TIAM2: variants seen among roughly 807,000 people sequenced by gnomAD.
The protein encoded by TIAM2 is rho guanine nucleotide exchange factor TIAM2.
Under a neutral mutation model 152.9 loss-of-function variants are expected in TIAM2, and 80 were observed. The observed-to-expected ratio is 0.52, with a 90% CI of 0.44 to 0.63. TIAM2 has a LOEUF of 0.63. TIAM2 is among the 30% of genes least tolerant of loss of function. TIAM2 has a pLI of 0.00. For synonymous variants in TIAM2, 804 were observed against 838.0 expected (o/e 0.96, Z 0.70); for missense variants, 1,965 against 2,120.1 (o/e 0.93, Z 1.44).
Position 155,243,846 on chromosome 6 carries a change from C to CAAAAAAAAAAA in TIAM2, c.3349-144_3349-134dup, listed in dbSNP as rs59365890. Among the ~76,000 whole-genome samples, 75 of 55,052 alleles carry CAAAAAAAAAAA rather than the reference C, an allele frequency of 1.4e-3. 3 individuals are homozygous for CAAAAAAAAAAA. The highest frequency in any genetic ancestry group is 5.9e-3 in the African/African-American group (73 of 12,394). 36.1% of individuals were successfully genotyped at this position (55,052 alleles called of 152,430 possible). On this transcript the variant is annotated intron_variant, in intron 16 of 26. Transcript: ENST00000682666. ...TGGGTGACAGAGCAAGACTCCGTCT[C>CAAAAAAAAAAA]AAAAAAAAAAAAAAAAAAAAAAAAA... is the stretch of plus-strand genomic sequence containing the variant.
rs566169562 is a variant in TIAM2 at position 155,199,048 on chromosome 6, A to C, written c.3065-12156A>C. Reference sequence around the variant, plus strand: ...GCCAGCTAAACCAAAACCACAACTAAAAAAGGACAGTAACTTCTTTATTTT... The same window carrying C: ...GCCAGCTAAACCAAAACCACAACTACAAAAGGACAGTAACTTCTTTATTTT... On this transcript the variant is annotated intron_variant, in intron 14 of 26. Coordinates refer to ENST00000682666, the MANE Select transcript of TIAM2 (RefSeq NM_012454.4). Among the ~76,000 whole-genome samples the C allele has an allele frequency of 1.2e-3, 181 of 151,400 alleles. 1 individual carries two copies. Among genetic ancestry groups the C allele is most frequent in the African/African-American group, 4.2e-3 (176 of 41,422 alleles).
intron 14 of TIAM2, among the ~76,000 whole-genome samples, chr6:155,197,559 T>C (rs954687320): frequency 3.3e-5 from 5 of 152,092 alleles, no homozygotes; most frequent in Non-Finnish European, 7.4e-5. Flanking sequence ...GGTCTGTTCT[T>C]ATGCTGCTAA....
At chr6:155,250,644 A>C in intron 21 of TIAM2, 1 of 1,534,434 alleles carries the variant, frequency 6.5e-7, no homozygotes, top group Non-Finnish European at 8.7e-7. Flanking sequence ...ATCTTATGGA[A>C]ACTGAGTTGG....
intron 21 of TIAM2, chr6:155,250,529 T>G: frequency 6.5e-7 from 1 of 1,535,698 alleles, no homozygotes; most frequent in Non-Finnish European, 8.7e-7. Flanking sequence ...GCTGGTGCTC[T>G]TTTATCAGCA....
At chr6:155,048,459 G>A (rs1248720142) in intron 1 of TIAM2, among the ~76,000 whole-genome samples, 1 of 152,090 alleles carries the variant, frequency 6.6e-6, no homozygotes, top group Non-Finnish European at 1.5e-5. Context: ...ATTATTTGGA[G>A]CAGAACATAC....
At position 155,039,648 on chromosome 6, in the gene TIAM2, T is replaced by TG. The variant is rs1051143625; in HGVS notation, c.-209+44163dup. Among the ~76,000 whole-genome samples, 32 of 68,622 alleles carry TG rather than the reference T, an allele frequency of 4.7e-4. 1 individual carries two copies. The highest frequency in any genetic ancestry group is 1.6e-3 in the East Asian group (4 of 2,540). The allele number at this position is 68,622 out of a possible 152,430, so 45.0% of individuals were successfully genotyped here. ...GCGTTGGGGGCTGGGGGGTGGTTGG[T>TG]GGGGGGGCTCTTAAAAAAATACAAA... On this transcript the variant is annotated intron_variant, in intron 1 of 26. Transcript: ENST00000682666.
chr6:155,164,049 T>C (rs1780344891), intron 7 of TIAM2, among the ~76,000 whole-genome samples: 1 of 151,094 alleles, frequency 6.6e-6, no homozygotes, highest in African/African-American at 2.4e-5. Flanking sequence ...AACCTCCGCC[T>C]TCTAGGTTTA....
chr6:155,134,221 C>T (rs1234856981), intron 4 of TIAM2, among the ~76,000 whole-genome samples: 1 of 152,022 alleles, frequency 6.6e-6, no homozygotes, highest in Admixed American at 6.6e-5. Flanking sequence ...ATTAAGAATT[C>T]TAGCTGAACC....
intron 1 of TIAM2, among the ~76,000 whole-genome samples, chr6:155,089,069 T>A (rs1240435791): frequency 6.6e-6 from 1 of 152,144 alleles, no homozygotes; most frequent in Non-Finnish European, 1.5e-5. Flanking sequence ...GTTTCACATT[T>A]TAAACAATGA....
chr6:155,119,322 A>G (rs1779096707), intron 2 of TIAM2, among the ~76,000 whole-genome samples: 1 of 151,252 alleles, frequency 6.6e-6, no homozygotes, highest in Non-Finnish European at 1.5e-5. Flanking sequence ...GGCGTGAGCC[A>G]CTGCACCTGG....
intron 9 of TIAM2, among the ~76,000 whole-genome samples, chr6:155,166,397 C>T (rs549947708): frequency 1.7e-3 from 258 of 151,316 alleles, no homozygotes; most frequent in Non-Finnish European, 2.6e-3. Flanking sequence ...GATCTTGGCT[C>T]GCCGCAACCT....
chr6:155,096,638 A>G (rs965137756), intron 2 of TIAM2, among the ~76,000 whole-genome samples: 1 of 151,756 alleles, frequency 6.6e-6, no homozygotes, highest in Non-Finnish European at 1.5e-5. Flanking sequence ...GGCTTATTTC[A>G]CTTGATGACC....
chr6:155,215,634 G>A (rs1295566831), intron 15 of TIAM2, among the ~76,000 whole-genome samples: 1 of 151,774 alleles, frequency 6.6e-6, no homozygotes, highest in East Asian at 1.9e-4. Context: ...AGTAAAAACT[G>A]TGGTGGACAT....
intron 1 of TIAM2, among the ~76,000 whole-genome samples, chr6:155,055,184 T>C (rs1426020914): frequency 6.6e-6 from 1 of 152,176 alleles, no homozygotes; most frequent in African/African-American, 2.4e-5. Context: ...GTGGGTGTCT[T>C]TCTGGGCCAC....
intron 14 of TIAM2, among the ~76,000 whole-genome samples, chr6:155,187,542 C>T (rs1160040417): frequency 1.4e-5 from 2 of 146,630 alleles, no homozygotes; most frequent in Admixed American, 6.9e-5. Flanking sequence ...AGGCTTGGGG[C>T]AGTGCAACCC....
At chr6:155,022,962 T>C (rs1776526889) in intron 1 of TIAM2, among the ~76,000 whole-genome samples, 1 of 152,110 alleles carries the variant, frequency 6.6e-6, no homozygotes, top group Admixed American at 6.6e-5. Context: ...CTTAGGTTTC[T>C]CCTTTCCGGC....
chr6:155,090,678 G>T (rs1304448548), intron 2 of TIAM2, among the ~76,000 whole-genome samples: 1 of 152,190 alleles, frequency 6.6e-6, no homozygotes. Flanking sequence ...AGAGGATGCA[G>T]CCTGGGCAGC....
At chr6:155,222,047 G>C (rs982563580) in intron 15 of TIAM2, among the ~76,000 whole-genome samples, 2 of 151,870 alleles carry the variant, frequency 1.3e-5, no homozygotes, top group African/African-American at 2.4e-5. Context: ...TCTGCCTCCC[G>C]GGTTCAAGCA....
intron 7 of TIAM2, among the ~76,000 whole-genome samples, chr6:155,154,342 A>G (rs993781340): frequency 5.9e-5 from 9 of 152,200 alleles, no homozygotes; most frequent in African/African-American, 2.2e-4. Context: ...TGGGTGGAGA[A>G]GATCCTTTTT....
Sources: gnomAD v4.1 joint callset for allele counts (sites outside exome capture counted in the v4.1 genomes callset) on GRCh38, gnomAD v4.1.1 for gene constraint, MANE v1.5 for transcripts, NCBI Gene and HGNC (gene_info 2026-07-23, HGNC 2026-07-21) for gene names.